The following PLCB4 variants were observed in gnomAD, a reference collection of about 807,000 sequenced individuals.
The protein encoded by PLCB4 is phospholipase C beta 4.
A neutral mutation model predicts 178.8 loss-of-function variants in PLCB4; 77 were observed. The ratio of observed to expected loss-of-function variants is 0.43; its 90% CI spans 0.36 to 0.52. The LOEUF is 0.52. Ranked by LOEUF, PLCB4 falls within the 20% of genes least tolerant of loss-of-function variation. PLCB4 has a pLI of 0.00. For missense variants in PLCB4, 1,024 were observed against 1,453.4 expected (o/e 0.70, Z 4.80); for synonymous variants, 496 against 490.8 (o/e 1.01, Z -0.14).
At chr20:9,222,157 A>G (rs2093807898) in intron 3 of PLCB4, among the ~76,000 whole-genome samples, 1 of 150,482 alleles carries the variant, frequency 6.6e-6, no homozygotes, top group East Asian at 2.0e-4. Flanking sequence ...GTGGCTTGAC[A>G]TAGCTCACTG....
intron 14 of PLCB4, among the ~76,000 whole-genome samples, chr20:9,385,144 G>A (rs2037478003): frequency 2.0e-5 from 3 of 152,208 alleles, no homozygotes; most frequent in Non-Finnish European, 4.4e-5. Context: ...TAGATTAACA[G>A]CATCCCAAGG....
At chr20:9,274,700 A>T (rs189228842) in intron 3 of PLCB4, among the ~76,000 whole-genome samples, 1 of 152,110 alleles carries the variant, frequency 6.6e-6, no homozygotes, top group East Asian at 1.9e-4. Flanking sequence ...AGCATCAGAA[A>T]CTGTGTTTCT....
chr20:9,101,504 C>T (rs1004349814), intron 2 of PLCB4, among the ~76,000 whole-genome samples: 18 of 152,028 alleles, frequency 1.2e-4, no homozygotes, highest in African/African-American at 4.3e-4. Context: ...ATAAATTATG[C>T]GAGCAAGAAA....
chr20:9,219,695 C>T (rs1204777002), intron 3 of PLCB4, among the ~76,000 whole-genome samples: 1 of 152,168 alleles, frequency 6.6e-6, no homozygotes, highest in African/African-American at 2.4e-5. Context: ...ACTCTAGCAT[C>T]ATTCACTTGC....
At chr20:9,458,141 A>C (rs544044165) in intron 34 of PLCB4, among the ~76,000 whole-genome samples, 1 of 152,190 alleles carries the variant, frequency 6.6e-6, no homozygotes, top group Non-Finnish European at 1.5e-5. Flanking sequence ...GAAAGCTCCC[A>C]AAAATAGCTG....
intron 27 of PLCB4, among the ~76,000 whole-genome samples, chr20:9,422,032 C>G (rs1042494134): frequency 6.6e-6 from 1 of 152,162 alleles, no homozygotes; most frequent in Non-Finnish European, 1.5e-5. Context: ...TTGTTAATCT[C>G]TTATTCACCT....
intron 3 of PLCB4, among the ~76,000 whole-genome samples, chr20:9,247,992 A>G (rs560796635): frequency 1.3e-5 from 2 of 152,200 alleles, no homozygotes; most frequent in Non-Finnish European, 1.5e-5. Context: ...TTACAGCAGC[A>G]TAATATTTAT....
chr20:9,230,722 A>G (rs1367481390), intron 3 of PLCB4, among the ~76,000 whole-genome samples: 1 of 152,104 alleles, frequency 6.6e-6, no homozygotes, highest in Admixed American at 6.6e-5. Flanking sequence ...GGGTGGTCTT[A>G]GCTGGCATGG....
chr20:9,150,109 G>A (rs1245569635), intron 2 of PLCB4, among the ~76,000 whole-genome samples: 1 of 152,204 alleles, frequency 6.6e-6, no homozygotes, highest in Non-Finnish European at 1.5e-5. Flanking sequence ...TCCTGAAGCA[G>A]TGTCTGGGCG....
chr20:9,437,012 C>T lies in PLCB4; in HGVS notation c.2624C>T (p.Ala875Val). The T allele has an allele frequency of 1.2e-6, 2 of 1,613,838 alleles. No individual in the cohort carries two copies. Among genetic ancestry groups the T allele is most frequent in the Non-Finnish European group, 1.7e-6 (2 of 1,179,872 alleles). ...ATGTTTCTGTTCCAGAGTGACATAG[C>T]CGACGTGCCCAGTGACACTTCCAAA... ...RAMGIETSDIADVPSDTSKND... is the reference protein window; with the variant it reads ...RAMGIETSDIVDVPSDTSKND... Residue 875 changes from alanine to valine, a missense_variant, in exon 30 of 40, where the codon GCC (alanine) becomes GTC (valine). Around this residue, in one of 7 missense-constraint regions of PLCB4, gnomAD observed 227 missense variants for 374.3 expected, o/e 0.61. Coordinates refer to ENST00000378473, the MANE Select transcript of PLCB4 (RefSeq NM_001377142.1).
intron 3 of PLCB4, among the ~76,000 whole-genome samples, chr20:9,288,560 A>G (rs1335869857): frequency 6.6e-6 from 1 of 151,926 alleles, no homozygotes; most frequent in Non-Finnish European, 1.5e-5. Context: ...GCACTGGTGG[A>G]GATGTCTTAG....
At chr20:9,129,104 G>A (rs1260070664) in intron 2 of PLCB4, among the ~76,000 whole-genome samples, 1 of 152,022 alleles carries the variant, frequency 6.6e-6, no homozygotes, top group Non-Finnish European at 1.5e-5. Flanking sequence ...CCACCTTTTG[G>A]CTATTGTGAA....
At chr20:9,379,560 T>C (rs144465279) in intron 12 of PLCB4, among the ~76,000 whole-genome samples, 408 of 152,306 alleles carry the variant, frequency 2.7e-3, no homozygotes, top group African/African-American at 9.3e-3. Flanking sequence ...AAAGGTGTTA[T>C]GAAAAAGAGA....
At chr20:9,363,004 C>G (rs1216677535) in intron 8 of PLCB4, 29 bp downstream of exon 8, 9 of 1,490,702 alleles carry the variant, frequency 6.0e-6, no homozygotes, top group Non-Finnish European at 8.4e-6. Context: ...ACTCGTTTTT[C>G]TTGGCAGTTA....
intron 3 of PLCB4, among the ~76,000 whole-genome samples, chr20:9,291,860 A>C (rs781300075): frequency 3.9e-4 from 60 of 152,246 alleles, no homozygotes; most frequent in Middle Eastern, 3.4e-3. Flanking sequence ...TTGAGGAAGA[A>C]TGTTTTATTT....
At chr20:9,425,973 C>G (rs1309408355) in intron 28 of PLCB4, among the ~76,000 whole-genome samples, 1 of 152,130 alleles carries the variant, frequency 6.6e-6, no homozygotes, top group Non-Finnish European at 1.5e-5. Context: ...ACATTCATAT[C>G]TCAGTGTGTT....
chr20:9,459,665 G>T lies in PLCB4; in HGVS notation c.3103G>T (p.Glu1035Ter). Residue 1035 changes from glutamate (E) to a stop codon, truncating the protein, a stop_gained, in exon 35 of 40, where the codon GAA (glutamate) becomes TAA (stop). Transcript: ENST00000378473. LOFTEE classifies it high-confidence loss of function. ...AGAGATTGTAGCACAGCACACAAAG[G>T]AATGGTCAGAAATGATCAATACCCA... ...VKEIVAQHTKEWSEMINTHSA... is the reference protein window; with the variant it reads ...VKEIVAQHTK 1 of 1,610,766 alleles carries T rather than the reference G, an allele frequency of 6.2e-7. No homozygotes were observed. Among genetic ancestry groups the T allele is most frequent in the Non-Finnish European group, 8.5e-7 (1 of 1,177,282 alleles).
At chr20:9,350,332 C>T (rs888176681) in intron 7 of PLCB4, among the ~76,000 whole-genome samples, 3 of 152,100 alleles carry the variant, frequency 2.0e-5, no homozygotes, top group African/African-American at 7.2e-5. Context: ...GTTCAAAGTG[C>T]TTGATATGTA....
chr20:9,226,891 G>A (rs1270327865), intron 3 of PLCB4, among the ~76,000 whole-genome samples: 1 of 152,048 alleles, frequency 6.6e-6, no homozygotes, highest in Non-Finnish European at 1.5e-5. Flanking sequence ...CATTTCTGTG[G>A]ATTCTAATCA....
Sources: allele counts gnomAD v4.1 joint callset (sites outside exome capture counted in the v4.1 genomes callset), GRCh38; gene constraint gnomAD v4.1.1; regional missense constraint gnomAD v4.1.1; transcripts MANE v1.5; gene names NCBI Gene and HGNC (gene_info 2026-07-23, HGNC 2026-07-21).